SDK1: variants seen among roughly 807,000 people sequenced by gnomAD.
SDK1 encodes the protein protein sidekick-1.
Under a neutral mutation model 245.5 loss-of-function variants are expected in SDK1, and 157 were observed. That is an observed-to-expected ratio of 0.64 (90% CI 0.56 to 0.73). The LOEUF (loss-of-function observed/expected upper bound fraction) is 0.73, where lower values mean the gene tolerates loss of function less well. SDK1 is among the 30% of genes least tolerant of loss of function. The probability of loss-of-function intolerance (pLI) is 0.00; values close to 1 mark genes in which losing one functional copy is unlikely to be tolerated. For missense variants in SDK1, 3,583 were observed against 3,002.3 expected, an observed-to-expected ratio of 1.19 and a Z score of -4.52; for synonymous variants, 1,647 against 1,278.5, an observed-to-expected ratio of 1.29 and a Z score of -6.15.
rs183697738 is a variant in SDK1, at chr7:4,094,162, T to C, written c.3324+14578T>C. Among the ~76,000 whole-genome samples the C allele has an allele frequency of 2.3e-3, 352 of 152,258 alleles. 1 individual carries two copies. Among genetic ancestry groups the C allele is most frequent in the African/African-American group, 8.1e-3 (336 of 41,558 alleles). ...ACCTCCGCCTTGTAGGTTCAAGCGA[T>C]TCTCCTGCCTCAGCCTCCCGAGTAG... On this transcript the variant is annotated intron_variant, in intron 22 of 44. Coordinates refer to ENST00000404826, the MANE Select transcript of SDK1 (RefSeq NM_152744.4).
intron 17 of SDK1, among the ~76,000 whole-genome samples, chr7:4,027,241 G>T (rs1327430107): frequency 6.6e-6 from 1 of 152,204 alleles, no homozygotes; most frequent in Non-Finnish European, 1.5e-5. Flanking sequence ...AAATTTCACT[G>T]TGTAGAGAAA....
chr7:3,338,974 T>C lies in SDK1; in HGVS notation c.298+37090T>C, dbSNP rs183039990. 2.0e-5 allele frequency among the ~76,000 whole-genome samples: 3 copies of C among 152,310 alleles called. No individual in the cohort carries two copies. In the East Asian group the frequency reaches 5.8e-4, roughly 29 times the overall value. ...TAGGCTTGTCATACTAATAATTGGC[T>C]TAAATATAGATGATCTGAATACACC... On this transcript the variant is annotated intron_variant, in intron 1 of 44. Transcript: ENST00000404826.
rs983952400 is a variant in SDK1, at chr7:4,261,426, A to C, written c.6382-3698A>C. Among the ~76,000 whole-genome samples the C allele has an allele frequency of 7.9e-5, 12 of 151,666 alleles. 1 individual carries two copies. On this transcript the variant is annotated intron_variant, in intron 44 of 44. Transcript: ENST00000404826. ...GCCTCCAGCTGCAAGGACGCAGCTC[A>C]CACACCCTGGGGAAACCGGATTGGC...
At chr7:3,355,854 A>C (rs1205750550) in intron 1 of SDK1, among the ~76,000 whole-genome samples, 5 of 152,184 alleles carry the variant, frequency 3.3e-5, no homozygotes, top group Non-Finnish European at 4.4e-5. Flanking sequence ...AAAACTTTGC[A>C]GCATGTCTGC....
At chr7:3,362,087 G>A (rs1371076352) in intron 1 of SDK1, among the ~76,000 whole-genome samples, 1 of 152,168 alleles carries the variant, frequency 6.6e-6, no homozygotes, top group Non-Finnish European at 1.5e-5. Context: ...ATTTTTCTGA[G>A]TGAAGGGACC....
chr7:3,952,028 G>A lies in SDK1; in HGVS notation c.1150+108G>A, dbSNP rs77023707. 1.0e-3 allele frequency: 1,005 copies of A among 985,426 alleles called. 6 individuals are homozygous for A. The African/African-American group carries it at 0.013, about 13-fold the overall frequency. The allele number at this position is 985,426 out of a possible 1,614,324, so 61.0% of individuals were successfully genotyped here. ...ATTTCAGTGGCTTTATTTGTAACTC[G>A]GCAAATGAAGGTGAGGTTGAGTTTA... On this transcript the variant is annotated intron_variant, in intron 7 of 44. Transcript: ENST00000404826.
intron 1 of SDK1, among the ~76,000 whole-genome samples, chr7:3,556,418 G>GTGC (rs933247065): frequency 6.6e-6 from 1 of 152,088 alleles, no homozygotes; most frequent in African/African-American, 2.4e-5. Context: ...GTTGGTGGGG[G>GTGC]TGCAGCAAGT....
intron 4 of SDK1, among the ~76,000 whole-genome samples, chr7:3,677,206 ATGTG>A (rs142804722): frequency 6.6e-6 from 1 of 151,456 alleles, no homozygotes; most frequent in Non-Finnish European, 1.5e-5. Flanking sequence ...GTATGTGTGT[ATGTG>A]TGTGTGTGTG....
chr7:3,778,720 G>A (rs1780637506), intron 4 of SDK1, among the ~76,000 whole-genome samples: 1 of 152,190 alleles, frequency 6.6e-6, no homozygotes, highest in African/African-American at 2.4e-5. Context: ...ATACTTGGCG[G>A]AATGGCTGAC....
intron 35 of SDK1, among the ~76,000 whole-genome samples, chr7:4,203,649 C>T (rs1325528129): frequency 6.6e-6 from 1 of 152,144 alleles, no homozygotes; most frequent in Non-Finnish European, 1.5e-5. Context: ...ACTGCACACG[C>T]TTTACGGAGA....
intron 4 of SDK1, among the ~76,000 whole-genome samples, chr7:3,714,210 A>C (rs560094999): frequency 6.6e-6 from 1 of 152,318 alleles, no homozygotes; most frequent in East Asian, 1.9e-4. Context: ...AAAAACTCAG[A>C]GGCTGCAGAT....
In SDK1 at chr7:4,118,857, G is replaced by C. The variant is rs1783887630; in HGVS notation, c.3823+4583G>C. Among the ~76,000 whole-genome samples, 2 of 148,770 alleles carry C rather than the reference G, an allele frequency of 1.3e-5. 1 individual carries two copies. Among genetic ancestry groups the C allele is most frequent in the Non-Finnish European group, 3.0e-5 (2 of 66,672 alleles). On this transcript the variant is annotated intron_variant, in intron 25 of 44. Transcript: ENST00000404826. Reference sequence around the variant, plus strand: ...CACATATTGTGTGATTCTATTTGTAGGAAACATCTAGAATAGGCAAATCTA... The same window carrying C: ...CACATATTGTGTGATTCTATTTGTACGAAACATCTAGAATAGGCAAATCTA...
intron 1 of SDK1, among the ~76,000 whole-genome samples, chr7:3,548,765 TCTTC>T (rs1385479058): frequency 6.6e-6 from 1 of 152,232 alleles, no homozygotes. Context: ...TGTACTCCCA[TCTTC>T]CTTTTATATT....
At chr7:3,763,001 T>C (rs1780150750) in intron 4 of SDK1, among the ~76,000 whole-genome samples, 1 of 152,166 alleles carries the variant, frequency 6.6e-6, no homozygotes, top group African/African-American at 2.4e-5. Flanking sequence ...TGGCACGTGA[T>C]AGGAATTCAA....
intron 4 of SDK1, among the ~76,000 whole-genome samples, chr7:3,665,763 C>T (rs1434017182): frequency 1.3e-5 from 2 of 152,154 alleles, no homozygotes; most frequent in South Asian, 2.1e-4. Flanking sequence ...TTTATGCTCC[C>T]CTTGCCCTCC....
intron 19 of SDK1, among the ~76,000 whole-genome samples, chr7:4,067,444 A>G (rs892321650): frequency 4.6e-5 from 7 of 152,146 alleles, no homozygotes; most frequent in African/African-American, 1.7e-4. Context: ...GCACAAGGTT[A>G]CAGATGGCCC....
At chr7:3,560,195 T>G (rs1038880041) in intron 1 of SDK1, among the ~76,000 whole-genome samples, 1 of 152,248 alleles carries the variant, frequency 6.6e-6, no homozygotes, top group African/African-American at 2.4e-5. Flanking sequence ...AATACACTGT[T>G]TATCTTGAAT....
chr7:3,870,304 G>T (rs756153198), intron 5 of SDK1, among the ~76,000 whole-genome samples: 3 of 151,860 alleles, frequency 2.0e-5, no homozygotes, highest in Middle Eastern at 3.2e-3. Flanking sequence ...TTTTTACAGC[G>T]ACTTGGCCCC....
At position 3,724,974 on chromosome 7, in the gene SDK1, A is replaced by C. The variant is rs574055326; in HGVS notation, c.713+82869A>C. On this transcript the variant is annotated intron_variant, in intron 4 of 44. Coordinates refer to ENST00000404826, the MANE Select transcript of SDK1 (RefSeq NM_152744.4). ...TAGAAATGAAAATAGATTTTCGTGGACAGCCAGCTCAGCTGCCTCAGAGGC... is the reference window on the plus strand; with the variant it reads ...TAGAAATGAAAATAGATTTTCGTGGCCAGCCAGCTCAGCTGCCTCAGAGGC... Among the ~76,000 whole-genome samples the C allele has an allele frequency of 9.5e-4, 144 of 152,368 alleles. No individual in the cohort carries two copies. The Middle Eastern group carries it at 0.01, about 11-fold the overall frequency.
Sources: allele counts gnomAD v4.1 joint callset (sites outside exome capture counted in the v4.1 genomes callset), GRCh38; gene constraint gnomAD v4.1.1; transcripts MANE v1.5; gene names NCBI Gene and HGNC (gene_info 2026-07-23, HGNC 2026-07-21).